Variants in GMDS observed in about 807,000 individuals in gnomAD.
The protein encoded by GMDS is GDP-mannose 4,6 dehydratase.
Under a neutral mutation model 49.9 loss-of-function variants are expected in GMDS, and 20 were observed. The observed-to-expected ratio is 0.40, with a 90% CI of 0.28 to 0.58. GMDS has a LOEUF of 0.58. Ranked by LOEUF, GMDS falls within the 20% of genes least tolerant of loss-of-function variation. The pLI is 0.42. For synonymous variants in GMDS, 177 were observed against 178.6 expected (o/e 0.99, Z 0.07); for missense variants, 362 against 481.4 (o/e 0.75, Z 2.32).
At chr6:2,154,388 C>G (rs1776997971) in intron 1 of GMDS, among the ~76,000 whole-genome samples, 1 of 151,990 alleles carries the variant, frequency 6.6e-6, no homozygotes, top group Non-Finnish European at 1.5e-5. Flanking sequence ...ATTTTCTTTT[C>G]TATTCAGATT....
intron 1 of GMDS, among the ~76,000 whole-genome samples, chr6:2,188,250 G>A (rs1282301492): frequency 1.3e-5 from 2 of 152,174 alleles, no homozygotes; most frequent in Non-Finnish European, 2.9e-5. Context: ...CAGACACAAA[G>A]TCCAATTTAG....
chr6:1,743,421 T>C (rs1385835544), intron 7 of GMDS, among the ~76,000 whole-genome samples: 1 of 149,508 alleles, frequency 6.7e-6, no homozygotes, highest in Non-Finnish European at 1.5e-5. Flanking sequence ...GGGGCGCCTG[T>C]AGTCCCAGCT....
chr6:1,692,439 T>C (rs1765205806), intron 9 of GMDS, among the ~76,000 whole-genome samples: 1 of 152,228 alleles, frequency 6.6e-6, no homozygotes, highest in Non-Finnish European at 1.5e-5. Context: ...ATATTTGTGT[T>C]CGTAGTTTTC....
intron 7 of GMDS, among the ~76,000 whole-genome samples, chr6:1,923,753 C>T (rs1761847396): frequency 1.3e-5 from 2 of 152,230 alleles, no homozygotes; most frequent in South Asian, 4.1e-4. Flanking sequence ...GATGTTGCAA[C>T]AAGCAAACTT....
At chr6:1,738,697 A>C (rs1419434300) in intron 8 of GMDS, among the ~76,000 whole-genome samples, 3 of 147,334 alleles carry the variant, frequency 2.0e-5, no homozygotes, top group Non-Finnish European at 3.1e-5. Flanking sequence ...AGCTTAATTA[A>C]TGGCAATGCT....
chr6:1,940,548 G>A (rs548510416), intron 6 of GMDS, among the ~76,000 whole-genome samples: 1 of 152,312 alleles, frequency 6.6e-6, no homozygotes, highest in African/African-American at 2.4e-5. Flanking sequence ...AGATGACTGA[G>A]ATCAGAGAGA....
chr6:1,906,637 A>G (rs1352276348), intron 7 of GMDS, among the ~76,000 whole-genome samples: 1 of 152,140 alleles, frequency 6.6e-6, no homozygotes, highest in East Asian at 1.9e-4. Context: ...GTGAAGCCCA[A>G]AATGCTGGCC....
chr6:2,015,766 T>C (rs1394533208), intron 4 of GMDS, among the ~76,000 whole-genome samples: 2 of 152,210 alleles, frequency 1.3e-5, no homozygotes, highest in African/African-American at 2.4e-5. Flanking sequence ...CCCACAAATT[T>C]AATGCCTTTC....
intron 1 of GMDS, among the ~76,000 whole-genome samples, chr6:2,241,263 A>G (rs1001189042): frequency 1.3e-5 from 2 of 152,194 alleles, no homozygotes; most frequent in African/African-American, 4.8e-5. Context: ...TCTTGGAAAA[A>G]AATTATTCGT....
At chr6:2,158,711 T>G (rs781453385) in intron 1 of GMDS, among the ~76,000 whole-genome samples, 13 of 152,176 alleles carry the variant, frequency 8.5e-5, no homozygotes, top group Non-Finnish European at 1.5e-4. Context: ...TGGGGAAAGT[T>G]AGGATGGGGA....
At chr6:2,008,778 T>G (rs930625326) in intron 4 of GMDS, among the ~76,000 whole-genome samples, 2 of 152,222 alleles carry the variant, frequency 1.3e-5, no homozygotes, top group Non-Finnish European at 2.9e-5. Flanking sequence ...CTGCTGGAAG[T>G]TCCTTTGCTC....
At chr6:2,192,557 T>C (rs551242819) in intron 1 of GMDS, among the ~76,000 whole-genome samples, 1 of 152,220 alleles carries the variant, frequency 6.6e-6, no homozygotes, top group African/African-American at 2.4e-5. Flanking sequence ...CTGTGACTCC[T>C]TCTTTGGGGC....
At chr6:1,921,549 A>C (rs377454376) in intron 7 of GMDS, among the ~76,000 whole-genome samples, 1 of 152,244 alleles carries the variant, frequency 6.6e-6, no homozygotes, top group East Asian at 1.9e-4. Context: ...AGAAGAGAAA[A>C]AAAGAGAAAT....
Position 1,797,700 on chromosome 6 carries a change from A to G in GMDS, c.772-55114T>C, listed in dbSNP as rs115148061. Reference sequence around the variant, plus strand: ...AAAGAACTTAATAGACTTGGCCAGCATTTCACAGCTAGGATGTGTGGCAGA... The same window carrying G: ...AAAGAACTTAATAGACTTGGCCAGCGTTTCACAGCTAGGATGTGTGGCAGA... On this transcript the variant is annotated intron_variant, in intron 7 of 10. Transcript: ENST00000380815. Among the ~76,000 whole-genome samples the G allele has an allele frequency of 6.8e-3, 1,029 of 152,320 alleles. 17 individuals carry two copies. Among genetic ancestry groups the G allele is most frequent in the African/African-American group, 0.024 (987 of 41,566 alleles).
chr6:2,027,195 G>A (rs573431779), intron 4 of GMDS, among the ~76,000 whole-genome samples: 1 of 152,278 alleles, frequency 6.6e-6, no homozygotes, highest in East Asian at 1.9e-4. Flanking sequence ...AGTCCTTGGA[G>A]AAAAACGTGG....
chr6:1,671,235 C>T (rs921060801), intron 9 of GMDS, among the ~76,000 whole-genome samples: 5 of 152,188 alleles, frequency 3.3e-5, no homozygotes, highest in South Asian at 4.1e-4. Flanking sequence ...AGTCTGGTGG[C>T]GGCTTATCAC....
intron 4 of GMDS, among the ~76,000 whole-genome samples, chr6:2,071,286 T>A (rs115706662): frequency 4.4e-3 from 674 of 152,330 alleles, no homozygotes; most frequent in Middle Eastern, 0.01. Flanking sequence ...GCTGTCTTTA[T>A]TTTTCTTTCT....
intron 4 of GMDS, among the ~76,000 whole-genome samples, chr6:2,085,756 G>C (rs555423489): frequency 6.5e-4 from 99 of 152,200 alleles, no homozygotes; most frequent in African/African-American, 2.3e-3. Context: ...TCAAACTCCT[G>C]AGCTTAAGCA....
chr6:1,986,168 A>G (rs1470892031), intron 4 of GMDS, among the ~76,000 whole-genome samples: 1 of 152,236 alleles, frequency 6.6e-6, no homozygotes, highest in Non-Finnish European at 1.5e-5. Flanking sequence ...GGTAATCTGT[A>G]AACGTGTTCT....
Sources: gnomAD v4.1 joint callset for allele counts (sites outside exome capture counted in the v4.1 genomes callset) on GRCh38, gnomAD v4.1.1 for gene constraint, MANE v1.5 for transcripts, NCBI Gene and HGNC (gene_info 2026-07-23, HGNC 2026-07-21) for gene names.